Variants in DMRT1 observed in about 807,000 individuals in gnomAD.
The protein encoded by DMRT1 is doublesex and mab-3 related transcription factor 1.
DMRT1 carries 7 observed loss-of-function variants against 32.3 expected under a neutral mutation model. The ratio of observed to expected loss-of-function variants is 0.22; its 90% CI spans 0.12 to 0.41. The LOEUF is 0.41. Among genes scored for constraint, DMRT1 ranks in the 10% least tolerant of loss-of-function variants. The pLI is 1.00. For synonymous variants in DMRT1, 278 were observed against 206.1 expected, an observed-to-expected ratio of 1.35 and a Z score of -2.99; for missense variants, 625 against 500.5, an observed-to-expected ratio of 1.25 and a Z score of -2.37.
At chr9:909,713 T>A (rs1817904715) in intron 3 of DMRT1, among the ~76,000 whole-genome samples, 1 of 37,942 alleles carries the variant, frequency 2.6e-5, no homozygotes, top group South Asian at 1.5e-3. Context: ...AGGGAGTTTT[T>A]TTGTTTCTGT....
intron 3 of DMRT1, among the ~76,000 whole-genome samples, chr9:901,881 G>A (rs576467653): frequency 6.7e-6 from 1 of 148,626 alleles, no homozygotes; most frequent in South Asian, 2.1e-4. Flanking sequence ...TCACCCCCAT[G>A]GCCCACACCA....
chr9:960,720 G>C (rs1270239343), intron 4 of DMRT1, among the ~76,000 whole-genome samples: 1 of 152,206 alleles, frequency 6.6e-6, no homozygotes, highest in Non-Finnish European at 1.5e-5. Flanking sequence ...TAAGTGAGAG[G>C]AGCCAGCCAG....
chr9:848,448 TACTG>T (rs1838998688), intron 2 of DMRT1, among the ~76,000 whole-genome samples: 1 of 152,208 alleles, frequency 6.6e-6, no homozygotes, highest in Non-Finnish European at 1.5e-5. Context: ...TTACTGAAGT[TACTG>T]ACTATGTAAT....
At chr9:938,330 T>C (rs1818952764) in intron 4 of DMRT1, among the ~76,000 whole-genome samples, 1 of 152,218 alleles carries the variant, frequency 6.6e-6, no homozygotes, top group Non-Finnish European at 1.5e-5. Context: ...GAGATTTTGA[T>C]GGAAATTGAA....
intron 3 of DMRT1, among the ~76,000 whole-genome samples, chr9:898,310 G>T (rs1453107746): frequency 6.6e-6 from 1 of 152,112 alleles, no homozygotes; most frequent in South Asian, 2.1e-4. Context: ...AGTGGACATG[G>T]GGTTTCACCA....
chr9:959,583 C>A (rs945027698), intron 4 of DMRT1, among the ~76,000 whole-genome samples: 2 of 152,298 alleles, frequency 1.3e-5, no homozygotes, highest in African/African-American at 4.8e-5. Flanking sequence ...GGCTGGAGTG[C>A]AGTGGCACTA....
chr9:875,715 G>C (rs1054013032), intron 2 of DMRT1, among the ~76,000 whole-genome samples: 7 of 152,102 alleles, frequency 4.6e-5, no homozygotes, highest in African/African-American at 1.2e-4. Flanking sequence ...ATTTCTTTCA[G>C]TTCAGATTTG....
chr9:928,473 C>G (rs1048403950), intron 4 of DMRT1, among the ~76,000 whole-genome samples: 2 of 152,172 alleles, frequency 1.3e-5, no homozygotes, highest in Admixed American at 6.5e-5. Context: ...CTCTCTGCCT[C>G]TTAGTTGCAG....
At chr9:906,982 A>G (rs1057199029) in intron 3 of DMRT1, among the ~76,000 whole-genome samples, 1 of 152,166 alleles carries the variant, frequency 6.6e-6, no homozygotes, top group African/African-American at 2.4e-5. Context: ...ATGAGATAAC[A>G]AGTCTCTATA....
At chr9:943,595 T>C (rs1012289088) in intron 4 of DMRT1, among the ~76,000 whole-genome samples, 3 of 152,206 alleles carry the variant, frequency 2.0e-5, no homozygotes, top group Admixed American at 2.0e-4. Flanking sequence ...CTGATAATTA[T>C]TTTTATTTCC....
chr9:944,765 T>G (rs1263105728), intron 4 of DMRT1, among the ~76,000 whole-genome samples: 2 of 152,222 alleles, frequency 1.3e-5, no homozygotes, highest in Non-Finnish European at 2.9e-5. Flanking sequence ...GCACCCATTA[T>G]GATATCAAAT....
At chr9:887,884 T>C (rs1380356730) in intron 2 of DMRT1, among the ~76,000 whole-genome samples, 5 of 152,246 alleles carry the variant, frequency 3.3e-5, no homozygotes, top group African/African-American at 9.7e-5. Flanking sequence ...AAGTATGTTT[T>C]TGTGCCTTTG....
At chr9:876,153 C>G (rs1335653048) in intron 2 of DMRT1, among the ~76,000 whole-genome samples, 2 of 152,168 alleles carry the variant, frequency 1.3e-5, no homozygotes, top group East Asian at 1.9e-4. Flanking sequence ...TTCCGAGTAG[C>G]TTGTGTATAT....
chr9:882,681 T>G (rs1167837943), intron 2 of DMRT1, among the ~76,000 whole-genome samples: 1 of 151,778 alleles, frequency 6.6e-6, no homozygotes, highest in African/African-American at 2.4e-5. Context: ...CTCAGCCTCA[T>G]GTTTGTATTT....
intron 2 of DMRT1, among the ~76,000 whole-genome samples, chr9:856,614 T>C (rs1186921945): frequency 2.0e-5 from 3 of 152,252 alleles, no homozygotes; most frequent in African/African-American, 4.8e-5. Flanking sequence ...TATGGATATA[T>C]ACCACATTAT....
rs1817450765 is a variant in DMRT1, at chr9:898,325, G to T, written c.822+4130G>T. ...AGTGGACATGGGGTTTCACCATGTT[G>T]TCCAGGCTGTTCTCAAACTCCTGGC... On this transcript the variant is annotated intron_variant, in intron 3 of 4. Coordinates refer to ENST00000382276, the MANE Select transcript of DMRT1 (RefSeq NM_021951.3). Among the ~76,000 whole-genome samples, 5 of 152,242 alleles carry T rather than the reference G, an allele frequency of 3.3e-5. No individual in the cohort carries two copies. The South Asian group carries it at 1.0e-3, about 32-fold the overall frequency.
At chr9:957,022 A>C (rs897310299) in intron 4 of DMRT1, among the ~76,000 whole-genome samples, 1 of 152,148 alleles carries the variant, frequency 6.6e-6, no homozygotes, top group Admixed American at 6.5e-5. Flanking sequence ...CATGAAGCTG[A>C]GGCTTGGGGT....
At position 841,767 on chromosome 9, in the gene DMRT1, C is replaced by G; in HGVS notation, c.-72C>G. 6.4e-7 allele frequency: 1 copy of G among 1,553,950 alleles called. No individual in the cohort carries two copies. Among genetic ancestry groups the G allele is most frequent in the Non-Finnish European group, 8.7e-7 (1 of 1,149,866 alleles). On this transcript the variant is annotated 5_prime_UTR_variant, in exon 1 of 5. Transcript: ENST00000382276. Reference sequence around the variant, plus strand: ...CCTCCTCCGGAGCGTCGCTGTCCGTCGGGTTCATCCCTCGCAGCAGTCTCC... The same window carrying G: ...CCTCCTCCGGAGCGTCGCTGTCCGTGGGGTTCATCCCTCGCAGCAGTCTCC...
chr9:879,502 A>G (rs903170232), intron 2 of DMRT1, among the ~76,000 whole-genome samples: 1 of 152,192 alleles, frequency 6.6e-6, no homozygotes, highest in Non-Finnish European at 1.5e-5. Context: ...TGTTGTTCTA[A>G]TGGAAATACA....
Sources: allele counts gnomAD v4.1 joint callset (sites outside exome capture counted in the v4.1 genomes callset), GRCh38; gene constraint gnomAD v4.1.1; transcripts MANE v1.5; gene names NCBI Gene and HGNC (gene_info 2026-07-23, HGNC 2026-07-21).